ADAMTS6: variants seen among roughly 807,000 people sequenced by gnomAD.
ADAMTS6 encodes the protein ADAM metallopeptidase with thrombospondin type 1 motif 6.
A neutral mutation model predicts 144.3 loss-of-function variants in ADAMTS6; 23 were observed. That is an observed-to-expected ratio of 0.16 (90% CI 0.11 to 0.23). The LOEUF (loss-of-function observed/expected upper bound fraction) is 0.23, where lower values mean the gene tolerates loss of function less well. Among genes scored for constraint, ADAMTS6 ranks in the 10% least tolerant of loss-of-function variants. The pLI is 1.00. For missense variants in ADAMTS6, 999 were observed against 1,379.6 expected, an observed-to-expected ratio of 0.72 and a Z score of 4.37; for synonymous variants, 444 against 457.5, an observed-to-expected ratio of 0.97 and a Z score of 0.38.
intron 7 of ADAMTS6, among the ~76,000 whole-genome samples, chr5:65,398,595 A>G (rs1753552545): frequency 6.6e-6 from 1 of 151,986 alleles, no homozygotes; most frequent in South Asian, 2.1e-4. Context: ...GCATGGCAGC[A>G]CGTGCCTGTA....
At chr5:65,318,779 T>C (rs1454616142) in intron 9 of ADAMTS6, among the ~76,000 whole-genome samples, 1 of 151,926 alleles carries the variant, frequency 6.6e-6, no homozygotes, top group African/African-American at 2.4e-5. Flanking sequence ...GGTTAATAGG[T>C]ACCAAAAAAA....
At chr5:65,301,229 G>A (rs1047474003) in intron 9 of ADAMTS6, among the ~76,000 whole-genome samples, 1 of 152,140 alleles carries the variant, frequency 6.6e-6, no homozygotes, top group Non-Finnish European at 1.5e-5. Context: ...TTTATACAAT[G>A]TATGTGTATA....
intron 7 of ADAMTS6, among the ~76,000 whole-genome samples, chr5:65,389,877 A>C (rs1293528412): frequency 6.6e-6 from 1 of 152,242 alleles, no homozygotes; most frequent in Non-Finnish European, 1.5e-5. Context: ...GTGACAATAA[A>C]GAGAAACCTT....
At chr5:65,452,948 T>C (rs1469012636) in intron 4 of ADAMTS6, 30 bp from the exon 5 acceptor site, 2 of 1,533,694 alleles carry the variant, frequency 1.3e-6, no homozygotes, top group African/African-American at 2.7e-5. Flanking sequence ...TTCAGATAGG[T>C]TCACTAATTA....
At chr5:65,183,200 T>A (rs182937145) in intron 22 of ADAMTS6, among the ~76,000 whole-genome samples, 1 of 152,342 alleles carries the variant, frequency 6.6e-6, no homozygotes, top group African/African-American at 2.4e-5. Flanking sequence ...ATTTACTTAT[T>A]CCTTCTGCTT....
At chr5:65,225,192 G>T in intron 16 of ADAMTS6, 145 bp from the exon 17 acceptor site, 1 of 981,786 alleles carries the variant, frequency 1.0e-6, no homozygotes, top group Non-Finnish European at 1.4e-6. Context: ...ACCATACTTG[G>T]GTCTTTGTTA....
intron 23 of ADAMTS6, among the ~76,000 whole-genome samples, chr5:65,172,125 A>C (rs942017596): frequency 1.3e-5 from 2 of 150,264 alleles, no homozygotes; most frequent in African/African-American, 4.9e-5. Context: ...AAAAATATAT[A>C]TATTTTTGGC....
chr5:65,380,286 T>C (rs549405107), intron 7 of ADAMTS6, among the ~76,000 whole-genome samples: 55 of 152,058 alleles, frequency 3.6e-4, no homozygotes, highest in African/African-American at 9.9e-4. Context: ...AAAAATATAC[T>C]GGGGGCCGGG....
chr5:65,387,228 T>C (rs1213387726), intron 7 of ADAMTS6, among the ~76,000 whole-genome samples: 1 of 152,214 alleles, frequency 6.6e-6, no homozygotes, highest in Non-Finnish European at 1.5e-5. Context: ...ACTAACATTA[T>C]ATATACAATT....
chr5:65,161,435 A>G (rs576116961), intron 24 of ADAMTS6, among the ~76,000 whole-genome samples: 1 of 152,314 alleles, frequency 6.6e-6, no homozygotes, highest in South Asian at 2.1e-4. Context: ...ACTTTTCCCA[A>G]GGTACACACT....
chr5:65,397,175 T>C (rs13165244), intron 7 of ADAMTS6, among the ~76,000 whole-genome samples: 4,995 of 152,316 alleles, frequency 0.033, 156 homozygotes, highest in East Asian at 0.1. Context: ...ACAGGATCTG[T>C]GGATGTTCCC....
intron 3 of ADAMTS6, 35 bp from the exon 4 acceptor site, chr5:65,460,373 G>C: frequency 6.5e-7 from 1 of 1,534,212 alleles, no homozygotes; most frequent in Non-Finnish European, 8.8e-7. Flanking sequence ...TTACCAAAGA[G>C]AATCATTTTA....
chr5:65,453,321 G>C (rs1758904642), intron 4 of ADAMTS6, among the ~76,000 whole-genome samples: 1 of 151,780 alleles, frequency 6.6e-6, no homozygotes, highest in Non-Finnish European at 1.5e-5. Flanking sequence ...TGATAGCCCT[G>C]ATTTTGCAAA....
intron 7 of ADAMTS6, among the ~76,000 whole-genome samples, chr5:65,355,612 G>C (rs1467560840): frequency 6.6e-6 from 1 of 151,780 alleles, no homozygotes; most frequent in Admixed American, 6.6e-5. Flanking sequence ...ATGACTGTTT[G>C]AGAGGTAAAA....
At chr5:65,224,258 C>CA in intron 18 of ADAMTS6, 62 bp downstream of exon 18, 1 of 1,359,732 alleles carries the variant, frequency 7.4e-7, no homozygotes, top group Non-Finnish European at 1.1e-6. Flanking sequence ...CTTCATGATA[C>CA]TGTGCTACTT....
intron 7 of ADAMTS6, among the ~76,000 whole-genome samples, chr5:65,367,119 A>G (rs1160449928): frequency 6.6e-6 from 1 of 152,244 alleles, no homozygotes; most frequent in Non-Finnish European, 1.5e-5. Flanking sequence ...GAATATTCCC[A>G]TGATCAAATT....
rs77438514 is a variant in ADAMTS6, at chr5:65,184,467, A to C, written c.2910+3549T>G. Among the ~76,000 whole-genome samples, 827 of 152,342 alleles carry C rather than the reference A, an allele frequency of 5.4e-3. 14 individuals carry two copies. Among genetic ancestry groups the C allele is most frequent in the African/African-American group, 0.018 (747 of 41,578 alleles). On this transcript the variant is annotated intron_variant, in intron 22 of 24. Coordinates refer to ENST00000381055, the MANE Select transcript of ADAMTS6 (RefSeq NM_197941.4). ...CTTCCGTAAGTAATGCTATCTAAAC[A>C]TACGTACTATAAAGTCAGTTGAGTA...
At chr5:65,376,644 A>C (rs1751581509) in intron 7 of ADAMTS6, among the ~76,000 whole-genome samples, 1 of 152,080 alleles carries the variant, frequency 6.6e-6, no homozygotes, top group Non-Finnish European at 1.5e-5. Flanking sequence ...TATCCTGAGC[A>C]ATGTGACAAA....
At chr5:65,184,043 T>C (rs1389892908) in intron 22 of ADAMTS6, among the ~76,000 whole-genome samples, 1 of 152,188 alleles carries the variant, frequency 6.6e-6, no homozygotes, top group Non-Finnish European at 1.5e-5. Context: ...TCTCCTTATG[T>C]GGGTAAATGC....
Sources: allele counts gnomAD v4.1 joint callset (sites outside exome capture counted in the v4.1 genomes callset), GRCh38; gene constraint gnomAD v4.1.1; transcripts MANE v1.5; gene names NCBI Gene and HGNC (gene_info 2026-07-23, HGNC 2026-07-21).